The following MAGOH variants were observed in gnomAD, a reference collection of about 807,000 sequenced individuals.
MAGOH encodes the protein mago homolog, exon junction complex subunit, also known as protein mago nashi homolog.
A neutral mutation model predicts 20.9 loss-of-function variants in MAGOH; 3 were observed. The observed-to-expected ratio is 0.14, with a 90% CI of 0.07 to 0.37. The LOEUF is 0.37. Among genes scored for constraint, MAGOH ranks in the 10% least tolerant of loss-of-function variants. The probability of loss-of-function intolerance (pLI) is 1.00; values close to 1 mark genes in which losing one functional copy is unlikely to be tolerated. For synonymous variants in MAGOH, 51 were observed against 61.0 expected (o/e 0.84, Z 0.76); for missense variants, 66 against 178.1 (o/e 0.37, Z 3.58).
chr1:53,232,298 C>T (rs1247416044), intron 3 of MAGOH, among the ~76,000 whole-genome samples: 2 of 152,092 alleles, frequency 1.3e-5, no homozygotes, highest in African/African-American at 2.4e-5. Context: ...TTAACAAATA[C>T]ATTATTATTG....
At chr1:53,235,139 T>A (rs554703171) in intron 2 of MAGOH, among the ~76,000 whole-genome samples, 1 of 152,268 alleles carries the variant, frequency 6.6e-6, no homozygotes, top group Middle Eastern at 3.4e-3. Flanking sequence ...CCTTTCCCAC[T>A]CAGATGTAAA....
At chr1:53,230,505 G>A (rs1282361316) in intron 3 of MAGOH, among the ~76,000 whole-genome samples, 1 of 152,034 alleles carries the variant, frequency 6.6e-6, no homozygotes, top group Admixed American at 6.5e-5. Context: ...GTAACCCTGA[G>A]CTCCTGGGCT....
rs561146249 is a variant in MAGOH at position 53,229,255 on chromosome 1, C to T, written c.259-301G>A. Among the ~76,000 whole-genome samples the T allele has an allele frequency of 1.1e-3, 161 of 150,704 alleles. 1 individual carries two copies. The highest frequency in any genetic ancestry group is 2.4e-3 in the Admixed American group (36 of 15,140). ...ACTCTGTTGCCCAGGCTGGAGTGCA[C>T]TGGCATGATCTCGGCTCACTGCAAC... On this transcript the variant is annotated intron_variant, in intron 3 of 4. Coordinates refer to ENST00000371470, the MANE Select transcript of MAGOH (RefSeq NM_002370.4).
chr1:53,231,596 G>A (rs1645586785), intron 3 of MAGOH, among the ~76,000 whole-genome samples: 1 of 152,112 alleles, frequency 6.6e-6, no homozygotes, highest in Admixed American at 6.5e-5. Context: ...GTCCACCTCT[G>A]TAGCACACTT....
At chr1:53,234,412 C>T (rs886104853) in intron 2 of MAGOH, among the ~76,000 whole-genome samples, 3 of 142,038 alleles carry the variant, frequency 2.1e-5, no homozygotes, top group East Asian at 2.1e-4. Flanking sequence ...CTTGCTCTGT[C>T]GCCCAGGCTG....
chr1:53,234,736 T>C (rs1645603580), intron 2 of MAGOH, among the ~76,000 whole-genome samples: 1 of 152,042 alleles, frequency 6.6e-6, no homozygotes, highest in Non-Finnish European at 1.5e-5. Context: ...GATATGCCTG[T>C]GTAAAAAAAT....
chr1:53,237,579 C>T (rs960456922), intron 1 of MAGOH, among the ~76,000 whole-genome samples: 1 of 146,424 alleles, frequency 6.8e-6, no homozygotes, highest in Non-Finnish European at 1.5e-5. Flanking sequence ...GAGGCTGAGG[C>T]AGGAGAATCA....
chr1:53,237,036 C>T (rs369805452), intron 1 of MAGOH, among the ~76,000 whole-genome samples: 12 of 151,314 alleles, frequency 7.9e-5, no homozygotes, highest in East Asian at 5.9e-4. Context: ...CTGCAACCTC[C>T]GCCCCAGGTT....
chr1:53,227,512 T>G (rs1645566199), intron 4 of MAGOH, among the ~76,000 whole-genome samples: 1 of 152,200 alleles, frequency 6.6e-6, no homozygotes, highest in African/African-American at 2.4e-5. Context: ...CATGTATTAC[T>G]TTCAGAGTTA....
At chr1:53,230,617 A>G (rs1294244550) in intron 3 of MAGOH, among the ~76,000 whole-genome samples, 2 of 151,900 alleles carry the variant, frequency 1.3e-5, no homozygotes, top group Non-Finnish European at 2.9e-5. Context: ...CTTTGTAGAA[A>G]AAAAGGTCTC....
rs191861949 is a variant in MAGOH at position 53,227,170 on chromosome 1, A to C, written c.342-26T>G. ...CTAAAATACAAAAGGAAAAAAGTTT[A>C]GGCATTAAAACTTTGACCCATCAAG... is the stretch of plus-strand genomic sequence containing the variant. On this transcript the variant is annotated intron_variant, in intron 4 of 4. Transcript: ENST00000371470. 492 of 1,410,868 alleles carry C rather than the reference A, an allele frequency of 3.5e-4. 2 individuals carry two copies. The African/African-American group carries it at 6.2e-3, about 18-fold the overall frequency. The allele number at this position is 1,410,868 out of a possible 1,614,324, so 87.4% of individuals were successfully genotyped here.
chr1:53,227,231 GTATAT>G (rs1327200105), intron 4 of MAGOH, 87 bp from the exon 5 acceptor site: 3 of 600,676 alleles, frequency 5.0e-6, no homozygotes, highest in Non-Finnish European at 8.6e-6. Flanking sequence ...TATTAAAACG[GTATAT>G]TATGAGGTAA....
intron 3 of MAGOH, among the ~76,000 whole-genome samples, chr1:53,231,100 T>C (rs1645584149): frequency 6.6e-6 from 1 of 152,198 alleles, no homozygotes; most frequent in Non-Finnish European, 1.5e-5. Flanking sequence ...ATTCGGCAGA[T>C]TTTTTTCTGT....
intron 2 of MAGOH, 146 bp downstream of exon 2, chr1:53,235,431 G>A: frequency 1.5e-6 from 1 of 674,138 alleles, no homozygotes; most frequent in Non-Finnish European, 2.6e-6. Flanking sequence ...AAGATGATTT[G>A]GGAAATAATC....
At position 53,233,669 on chromosome 1, in the gene MAGOH, A is replaced by G; in HGVS notation, c.148-17T>C. 1 of 1,500,334 alleles carries G rather than the reference A, an allele frequency of 6.7e-7. No individual in the cohort carries two copies. The highest frequency in any genetic ancestry group is 9.3e-7 in the Non-Finnish European group (1 of 1,077,260). The allele number at this position is 1,500,334 out of a possible 1,614,324, so 92.9% of individuals were successfully genotyped here. ...TACATAAGCCTGAACGCAAGTTAAAAAACAAAATGTATGTTGTATCCTTAA... is the reference window on the plus strand; with the variant it reads ...TACATAAGCCTGAACGCAAGTTAAAGAACAAAATGTATGTTGTATCCTTAA... On this transcript the variant is annotated splice_polypyrimidine_tract_variant and intron_variant, in intron 2 of 4. Transcript: ENST00000371470.
At chr1:53,227,528 CTT>C (rs888738135) in intron 4 of MAGOH, among the ~76,000 whole-genome samples, 1 of 151,898 alleles carries the variant, frequency 6.6e-6, no homozygotes, top group African/African-American at 2.4e-5. Context: ...AGTTAGAAAA[CTT>C]TTTTTGTTTT....
chr1:53,234,596 G>C (rs1179644749), intron 2 of MAGOH, among the ~76,000 whole-genome samples: 1 of 151,936 alleles, frequency 6.6e-6, no homozygotes, highest in African/African-American at 2.4e-5. Flanking sequence ...GGATGGTCTC[G>C]ATCTCCTGAC....
chr1:53,238,225 TTC>T (rs1645626169), intron 1 of MAGOH, 134 bp downstream of exon 1: 3 of 725,402 alleles, frequency 4.1e-6, no homozygotes, highest in Non-Finnish European at 2.4e-6. Flanking sequence ...CACAGTGGCG[TTC>T]CTTTAAGATC....
At chr1:53,228,819 A>T (rs1645572713) in intron 4 of MAGOH, 53 bp downstream of exon 4, 10 of 1,375,092 alleles carry the variant, frequency 7.3e-6, no homozygotes, top group Non-Finnish European at 1.0e-5. Flanking sequence ...AAGGTTTCTT[A>T]TCAATCTGCT....
Sources: gnomAD v4.1 joint callset for allele counts (sites outside exome capture counted in the v4.1 genomes callset) on GRCh38, gnomAD v4.1.1 for gene constraint, MANE v1.5 for transcripts, NCBI Gene and HGNC (gene_info 2026-07-23, HGNC 2026-07-21) for gene names.